TRPC7: variants seen among roughly 807,000 people sequenced by gnomAD.
TRPC7 encodes short transient receptor potential channel 7.
In TRPC7, 42 loss-of-function variants were observed where a neutral mutation model predicts 90.1. The observed-to-expected ratio is 0.47, with a 90% CI of 0.36 to 0.60. The LOEUF (loss-of-function observed/expected upper bound fraction) is 0.60, where lower values mean the gene tolerates loss of function less well. Among genes scored for constraint, TRPC7 ranks in the 20% least tolerant of loss-of-function variants. TRPC7 has a pLI of 0.00. For missense variants in TRPC7, 955 were observed against 1,112.3 expected (o/e 0.86, Z 2.01); for synonymous variants, 451 against 436.3 (o/e 1.03, Z -0.42).
intron 3 of TRPC7, among the ~76,000 whole-genome samples, chr5:136,294,386 C>G (rs560335255): frequency 2.0e-5 from 3 of 152,172 alleles, no homozygotes; most frequent in Non-Finnish European, 4.4e-5. Context: ...TTGCAACCTA[C>G]TCATCTGACA....
intron 5 of TRPC7, among the ~76,000 whole-genome samples, chr5:136,265,039 A>G (rs1756979994): frequency 6.6e-6 from 1 of 152,130 alleles, no homozygotes; most frequent in African/African-American, 2.4e-5. Flanking sequence ...TTAGGCATCC[A>G]TAGGATGTTC....
intron 3 of TRPC7, among the ~76,000 whole-genome samples, chr5:136,312,972 CTTTTTTTT>C (rs34840823): frequency 2.1e-5 from 2 of 97,058 alleles, no homozygotes; most frequent in Non-Finnish European, 3.9e-5. Context: ...AGTAGTGATT[CTTTTTTTT>C]TTTTTTTTTT....
At chr5:136,249,897 A>G (rs1287183946) in intron 6 of TRPC7, among the ~76,000 whole-genome samples, 1 of 152,236 alleles carries the variant, frequency 6.6e-6, no homozygotes, top group African/African-American at 2.4e-5. Flanking sequence ...GCACAAGTTA[A>G]GCCAGAAATC....
chr5:136,300,894 T>C (rs1758357042), intron 3 of TRPC7, among the ~76,000 whole-genome samples: 1 of 152,232 alleles, frequency 6.6e-6, no homozygotes, highest in Admixed American at 6.5e-5. Context: ...TTCAGAGATC[T>C]AGATGAACCA....
intron 2 of TRPC7, among the ~76,000 whole-genome samples, chr5:136,348,385 A>T (rs1242744392): frequency 3.3e-5 from 5 of 152,126 alleles, no homozygotes; most frequent in Admixed American, 1.3e-4. Flanking sequence ...CCACACTCAG[A>T]GCCCTCTTTC....
intron 4 of TRPC7, among the ~76,000 whole-genome samples, chr5:136,271,319 C>G (rs1241158300): frequency 6.6e-6 from 1 of 152,186 alleles, no homozygotes; most frequent in African/African-American, 2.4e-5. Flanking sequence ...AGGTAATAGA[C>G]AAGGTCAGCT....
chr5:136,276,124 C>T (rs1461988527), intron 3 of TRPC7, among the ~76,000 whole-genome samples: 2 of 152,152 alleles, frequency 1.3e-5, no homozygotes, highest in Non-Finnish European at 2.9e-5. Flanking sequence ...CAACTGGAAA[C>T]TGGTAATAGG....
chr5:136,340,540 A>C (rs969087092), intron 2 of TRPC7, among the ~76,000 whole-genome samples: 3 of 152,196 alleles, frequency 2.0e-5, no homozygotes, highest in Non-Finnish European at 4.4e-5. Context: ...ATATGAAAAC[A>C]TCACATTATA....
intron 2 of TRPC7, among the ~76,000 whole-genome samples, chr5:136,332,299 T>C (rs746437260): frequency 1.3e-5 from 2 of 151,808 alleles, no homozygotes; most frequent in Non-Finnish European, 2.9e-5. Flanking sequence ...CAGGAAGAGA[T>C]GAGGCTAAGG....
intron 3 of TRPC7, among the ~76,000 whole-genome samples, chr5:136,281,697 G>C (rs1404096581): frequency 1.3e-5 from 2 of 152,180 alleles, no homozygotes; most frequent in Non-Finnish European, 2.9e-5. Context: ...GAGGAACTGA[G>C]TAGCCTAATT....
intron 10 of TRPC7, among the ~76,000 whole-genome samples, chr5:136,218,479 C>A (rs1755347577): frequency 6.6e-6 from 1 of 152,116 alleles, no homozygotes; most frequent in African/African-American, 2.4e-5. Context: ...ATTAAGGGTT[C>A]TTCAGTTTCT....
chr5:136,251,784 A>G lies in TRPC7; in HGVS notation c.1444T>C (p.Phe482Leu). ...NLLDFGMLSIFVASFTARFMA... is the reference protein window; with the variant it reads ...NLLDFGMLSILVASFTARFMA... ...AAGCGTGCTGTGAAGGAGGCCACGA[A>G]GATGGACAGCATCCCGAAATCTAGC... is the stretch of plus-strand genomic sequence containing the variant. The change falls in exon 6 of 12, where the codon TTC becomes CTC. Residue 482 changes from phenylalanine to leucine, a missense_variant. This residue lies in a region of TRPC7 where 484 missense variants were observed against 509.6 expected (regional missense o/e 0.95). Coordinates refer to ENST00000513104, the MANE Select transcript of TRPC7 (RefSeq NM_020389.3). 1 of 1,614,036 alleles carries G rather than the reference A, an allele frequency of 6.2e-7. No individual in the cohort carries two copies. Among genetic ancestry groups the G allele is most frequent in the Non-Finnish European group, 8.5e-7 (1 of 1,179,892 alleles).
At position 136,357,325 on chromosome 5, in the gene TRPC7, G is replaced by A; in HGVS notation, c.63C>T (p.Gly21=). ...QRRHTTLREK[G]RRQAIRGPAY... ...CGGGACCCCGGATGGCCTGGCGACG[G>A]CCCTTCTCCCTCAGCGTTGTGTGCC... Residue 21 remains glycine, a synonymous_variant, in exon 2 of 12, where the codon GGC becomes GGT. Coordinates refer to ENST00000513104, the MANE Select transcript of TRPC7 (RefSeq NM_020389.3). 6.2e-7 allele frequency: 1 copy of A among 1,607,138 alleles called. No homozygotes were observed. Among genetic ancestry groups the A allele is most frequent in the Non-Finnish European group, 8.5e-7 (1 of 1,179,856 alleles).
At chr5:136,296,547 G>A (rs997301870) in intron 3 of TRPC7, among the ~76,000 whole-genome samples, 3 of 152,044 alleles carry the variant, frequency 2.0e-5, no homozygotes, top group African/African-American at 7.3e-5. Context: ...GTTAACAATG[G>A]TACTTCAATC....
At chr5:136,264,592 T>G (rs533576419) in intron 5 of TRPC7, among the ~76,000 whole-genome samples, 6 of 152,086 alleles carry the variant, frequency 3.9e-5, no homozygotes, top group African/African-American at 7.2e-5. Context: ...CTGTTTTTTT[T>G]TTTGTTTGTT....
intron 6 of TRPC7, among the ~76,000 whole-genome samples, chr5:136,251,092 T>C (rs1377052348): frequency 6.6e-6 from 1 of 152,236 alleles, no homozygotes; most frequent in Non-Finnish European, 1.5e-5. Context: ...AATAAACATA[T>C]GTTATAACTA....
intron 3 of TRPC7, among the ~76,000 whole-genome samples, chr5:136,307,687 T>A (rs553405012): frequency 4.2e-4 from 64 of 152,116 alleles, no homozygotes; most frequent in African/African-American, 1.5e-3. Flanking sequence ...GGGGGTAGGG[T>A]GCTACTGGAT....
chr5:136,313,271 GT>G (rs2149838146), intron 3 of TRPC7, among the ~76,000 whole-genome samples: 1 of 152,240 alleles, frequency 6.6e-6, no homozygotes, highest in South Asian at 2.1e-4. Context: ...AGACCAACTT[GT>G]TTTCTTAAGT....
chr5:136,353,217 C>A (rs1229734869), intron 2 of TRPC7, among the ~76,000 whole-genome samples: 1 of 152,172 alleles, frequency 6.6e-6, no homozygotes, highest in Non-Finnish European at 1.5e-5. Context: ...TTGCTGAAGA[C>A]CTTGACATTG....
Sources: gnomAD v4.1 joint callset for allele counts (sites outside exome capture counted in the v4.1 genomes callset) on GRCh38, gnomAD v4.1.1 for gene constraint, gnomAD v4.1.1 regional missense constraint, MANE v1.5 for transcripts, NCBI Gene and HGNC (gene_info 2026-07-23, HGNC 2026-07-21) for gene names.